Variants in NEGR1 observed in about 807,000 individuals in gnomAD.
NEGR1 encodes the protein neuronal growth regulator 1.
A neutral mutation model predicts 40.9 loss-of-function variants in NEGR1; 10 were observed. That is an observed-to-expected ratio of 0.24 (90% CI 0.15 to 0.42). The LOEUF (loss-of-function observed/expected upper bound fraction) is 0.42, where lower values mean the gene tolerates loss of function less well. Among genes scored for constraint, NEGR1 ranks in the 10% least tolerant of loss-of-function variants. NEGR1 has a pLI of 1.00. For synonymous variants in NEGR1, 185 were observed against 166.8 expected (o/e 1.11, Z -0.84); for missense variants, 352 against 438.9 (o/e 0.80, Z 1.77).
intron 1 of NEGR1, among the ~76,000 whole-genome samples, chr1:72,011,861 AG>A (rs1313344747): frequency 6.6e-6 from 1 of 152,138 alleles, no homozygotes; most frequent in Non-Finnish European, 1.5e-5. Context: ...TAAAGTGTGC[AG>A]GGATCTATCA....
intron 1 of NEGR1, among the ~76,000 whole-genome samples, chr1:72,223,254 A>T (rs1654070230): frequency 6.6e-6 from 1 of 152,134 alleles, no homozygotes; most frequent in East Asian, 1.9e-4. Flanking sequence ...TTTTTGCATT[A>T]ACTCAACAAA....
intron 1 of NEGR1, among the ~76,000 whole-genome samples, chr1:71,976,460 T>G (rs1181045871): frequency 6.6e-6 from 1 of 152,238 alleles, no homozygotes; most frequent in African/African-American, 2.4e-5. Flanking sequence ...TTGGAATACA[T>G]TGGATTCAGA....
At chr1:71,832,229 T>G (rs1444263709) in intron 2 of NEGR1, among the ~76,000 whole-genome samples, 1 of 151,922 alleles carries the variant, frequency 6.6e-6, no homozygotes, top group Non-Finnish European at 1.5e-5. Context: ...AAAGATAGCC[T>G]GGAAGAATAG....
At chr1:72,098,040 GT>G (rs997574954) in intron 1 of NEGR1, among the ~76,000 whole-genome samples, 5 of 152,058 alleles carry the variant, frequency 3.3e-5, no homozygotes, top group African/African-American at 1.2e-4. Context: ...CTTAATATTT[GT>G]CTGTGTTGTA....
At chr1:72,280,408 T>C (rs1656203159) in intron 1 of NEGR1, among the ~76,000 whole-genome samples, 2 of 152,214 alleles carry the variant, frequency 1.3e-5, no homozygotes. Context: ...ATAAGCAATA[T>C]GTTGCTTGCT....
intron 1 of NEGR1, among the ~76,000 whole-genome samples, chr1:72,097,308 A>C (rs571990459): frequency 6.6e-6 from 1 of 152,194 alleles, no homozygotes; most frequent in Non-Finnish European, 1.5e-5. Flanking sequence ...TTAGTTGAGT[A>C]ATATATGAAA....
At chr1:71,747,356 A>T (rs937128827) in intron 3 of NEGR1, among the ~76,000 whole-genome samples, 16 of 152,326 alleles carry the variant, frequency 1.1e-4, no homozygotes, top group African/African-American at 3.4e-4. Context: ...ATTAAAACAT[A>T]AAAATAAATG....
chr1:71,750,148 C>T (rs939152658), intron 3 of NEGR1, among the ~76,000 whole-genome samples: 9 of 151,986 alleles, frequency 5.9e-5, no homozygotes, highest in African/African-American at 1.2e-4. Flanking sequence ...CGCCCGCCAC[C>T]GCGCCCGGCT....
At chr1:71,703,087 A>G (rs1007397343) in intron 3 of NEGR1, 1 of 152,194 alleles carries the variant, frequency 6.6e-6, no homozygotes, top group Non-Finnish European at 1.5e-5. Context: ...GAAAAAAAAA[A>G]CAAACAAACA....
intron 6 of NEGR1, among the ~76,000 whole-genome samples, chr1:71,473,814 T>C (rs1473810417): frequency 6.6e-6 from 1 of 152,052 alleles, no homozygotes; most frequent in Non-Finnish European, 1.5e-5. Flanking sequence ...TCCAAATTCC[T>C]AATGGCTTCC....
chr1:72,223,962 T>A (rs1416130089), intron 1 of NEGR1, among the ~76,000 whole-genome samples: 2 of 152,184 alleles, frequency 1.3e-5, no homozygotes, highest in Non-Finnish European at 2.9e-5. Context: ...CTTTTCTGAC[T>A]AATTATTACC....
chr1:72,130,554 T>C (rs772567034), intron 1 of NEGR1, among the ~76,000 whole-genome samples: 1 of 152,022 alleles, frequency 6.6e-6, no homozygotes, highest in Non-Finnish European at 1.5e-5. Context: ...GAATCAAAAC[T>C]GGCCCATCTC....
In NEGR1 at chr1:72,188,067, C is replaced by T. The variant is rs75301694; in HGVS notation, c.176+94252G>A. On this transcript the variant is annotated intron_variant, in intron 1 of 6. Transcript: ENST00000357731. The stretch of plus-strand genomic sequence containing the variant: ...ATTAGAATAGTTTTGGTTCCTTAAG[C>T]TAAAGGAATGTTAAACTGATGTTAA... Among the ~76,000 whole-genome samples, 6 of 151,510 alleles carry T rather than the reference C, an allele frequency of 4.0e-5. No homozygotes were observed. The East Asian group carries it at 9.7e-4, about 24-fold the overall frequency.
intron 1 of NEGR1, among the ~76,000 whole-genome samples, chr1:72,182,377 C>T (rs537568872): frequency 6.6e-6 from 1 of 152,118 alleles, no homozygotes; most frequent in South Asian, 2.1e-4. Flanking sequence ...GCCTGTTAGT[C>T]AGTTACTTGG....
chr1:71,634,186 G>A (rs976944161), intron 4 of NEGR1, among the ~76,000 whole-genome samples: 2 of 152,062 alleles, frequency 1.3e-5, no homozygotes, highest in Middle Eastern at 3.2e-3. Flanking sequence ...TGTTTTGGGA[G>A]AGTGACCATT....
At chr1:71,832,541 T>C (rs994445461) in intron 2 of NEGR1, among the ~76,000 whole-genome samples, 1 of 152,008 alleles carries the variant, frequency 6.6e-6, no homozygotes, top group Non-Finnish European at 1.5e-5. Context: ...CAGGTTCTCC[T>C]TGTGAAGTCT....
At chr1:72,275,014 G>C in intron 1 of NEGR1, 1 of 1,541,734 alleles carries the variant, frequency 6.5e-7, no homozygotes, top group Middle Eastern at 1.8e-4. Flanking sequence ...CAAGGAGCCT[G>C]AGAAGGAAAT....
At chr1:71,410,292 C>A (rs1254872696) in intron 6 of NEGR1, among the ~76,000 whole-genome samples, 1 of 151,984 alleles carries the variant, frequency 6.6e-6, no homozygotes, top group Non-Finnish European at 1.5e-5. Flanking sequence ...ACACAAAGAG[C>A]AAAGTTAGTC....
chr1:71,441,643 G>A (rs1646548111), intron 6 of NEGR1, among the ~76,000 whole-genome samples: 1 of 152,082 alleles, frequency 6.6e-6, no homozygotes, highest in South Asian at 2.1e-4. Flanking sequence ...CTGTATTATA[G>A]CTATCTGAGT....
Sources: allele counts gnomAD v4.1 joint callset (sites outside exome capture counted in the v4.1 genomes callset), GRCh38; gene constraint gnomAD v4.1.1; transcripts MANE v1.5; gene names NCBI Gene and HGNC (gene_info 2026-07-23, HGNC 2026-07-21).